The following MTHFSD variants were observed in gnomAD, a reference collection of about 807,000 sequenced individuals.
The protein encoded by MTHFSD is methenyltetrahydrofolate synthase domain-containing protein.
A neutral mutation model predicts 31.1 loss-of-function variants in MTHFSD; 37 were observed. The observed-to-expected ratio is 1.19, with a 90% confidence interval of 0.91 to 1.56. The LOEUF (loss-of-function observed/expected upper bound fraction) is 1.56, where lower values mean the gene tolerates loss of function less well. Ranked by LOEUF, MTHFSD falls within the 40% of genes most tolerant of loss-of-function variation. The pLI is 0.00. For synonymous variants in MTHFSD, 221 were observed against 206.9 expected (o/e 1.07, Z -0.59); for missense variants, 664 against 510.1 (o/e 1.30, Z -2.91).
chr16:86,555,092 G>A (rs1350708040), intron 1 of MTHFSD, 77 bp downstream of exon 1: 2 of 1,515,148 alleles, frequency 1.3e-6, no homozygotes, highest in South Asian at 2.4e-5. Flanking sequence ...AGCCCCGGTG[G>A]CCCCGCCTCG....
chr16:86,546,814 A>G (rs1349678979), intron 4 of MTHFSD, among the ~76,000 whole-genome samples, 165 bp from the exon 5 acceptor site: 1 of 152,278 alleles, frequency 6.6e-6, no homozygotes, highest in African/African-American at 2.4e-5. Context: ...CGCATTCCAG[A>G]AACCGCTTTA....
Position 86,531,037 on chromosome 16 carries a change from C to T in MTHFSD, c.*974G>A, listed in dbSNP as rs1432124380. 6.6e-6 allele frequency: 1 copy of T among 152,168 alleles called. No homozygotes were observed. Among genetic ancestry groups the T allele is most frequent in the African/African-American group, 2.4e-5 (1 of 41,422 alleles). 9.4% of individuals were successfully genotyped at this position (152,168 alleles called of 1,614,324 possible). On this transcript the variant is annotated 3_prime_UTR_variant, in exon 8 of 8. Transcript: ENST00000360900. The surrounding 1 kb of genome is among the most constrained non-coding windows in gnomAD (Gnocchi z 5.5). ...CTTGAAAGCGCGTGCACGGGCCGCC[C>T]TCTCGAGGCATCGTAATGTGCTTCA... is the stretch of plus-strand genomic sequence containing the variant.
In MTHFSD at chr16:86,530,719, G is replaced by C. The variant is rs920387328; in HGVS notation, c.*1292C>G. ...TGTAACCAGGTGACTACTCTGAACT[G>C]GGGACTGAGTCAGCCTCTGACGCTG... On this transcript the variant is annotated 3_prime_UTR_variant, in exon 8 of 8. Coordinates refer to ENST00000360900, the MANE Select transcript of MTHFSD (RefSeq NM_001159377.2). The C allele has an allele frequency of 5.1e-4, 77 of 152,364 alleles. No homozygotes were observed. The highest frequency in any genetic ancestry group is 1.8e-3 in the African/African-American group (75 of 41,576). The allele number at this position is 152,364 out of a possible 1,614,324, so 9.4% of individuals were successfully genotyped here. A position where few individuals can be genotyped will look rare whatever the true frequency, so the allele number is the denominator to read the frequency against.
intron 3 of MTHFSD, 33 bp from the exon 4 acceptor site, chr16:86,548,610 A>T: frequency 6.5e-7 from 1 of 1,531,112 alleles, no homozygotes; most frequent in South Asian, 1.2e-5. Flanking sequence ...TAAATTACAA[A>T]ATCAAATTAT....
chr16:86,542,193 C>G lies in MTHFSD; in HGVS notation c.463G>C (p.Glu155Gln), dbSNP rs371313547. ...GCATATTCCAGATCGGCGTAGCCTTCTCCCTTCCCGATTCTCCAGCCTAAG... is the reference window on the plus strand; with the variant it reads ...GCATATTCCAGATCGGCGTAGCCTTGTCCCTTCCCGATTCTCCAGCCTAAG... ...SEKGWRIGKG[E>Q]GYADLEYAMM... Residue 155 changes from glutamate to glutamine, a missense_variant, in exon 6 of 8, where the codon GAA becomes CAA. Physicochemically the swap from Glu to Gln is conservative, Grantham distance 29. Transcript: ENST00000360900. This position sits in a 1 kb window ranked among gnomAD's most constrained non-coding sequence, Gnocchi z 4.6. 2 of 1,613,576 alleles carry G rather than the reference C, an allele frequency of 1.2e-6. No homozygotes were observed. The highest frequency in any genetic ancestry group is 1.3e-5 in the African/African-American group (1 of 74,942).
In MTHFSD at chr16:86,531,756, TC is replaced by T. The variant is rs1970010881; in HGVS notation, c.*254del. On this transcript the variant is annotated 3_prime_UTR_variant, in exon 8 of 8. Coordinates refer to ENST00000360900, the MANE Select transcript of MTHFSD (RefSeq NM_001159377.2). The surrounding 1 kb of genome is among the most constrained non-coding windows in gnomAD (Gnocchi z 5.5). ...TCCCTCCAGAGAAACAGAAACCGACTCAAGGCCCGAGCCTGCACGATTGGGA... is the reference window on the plus strand; with the variant it reads ...TCCCTCCAGAGAAACAGAAACCGACTAAGGCCCGAGCCTGCACGATTGGGA... 3 of 344,402 alleles carry T rather than the reference TC, an allele frequency of 8.7e-6. No individual in the cohort carries two copies. Among genetic ancestry groups the T allele is most frequent in the Non-Finnish European group, 1.6e-5 (3 of 191,714 alleles). The allele number at this position is 344,402 out of a possible 1,614,324, so 21.3% of individuals were successfully genotyped here. A position where few individuals can be genotyped will look rare whatever the true frequency, so the allele number is the denominator to read the frequency against.
At chr16:86,538,327 G>A (rs1309696470) in intron 7 of MTHFSD, among the ~76,000 whole-genome samples, 5 of 152,176 alleles carry the variant, frequency 3.3e-5, no homozygotes, top group Non-Finnish European at 7.3e-5. Context: ...CCAGGGTGGC[G>A]GCGGCAGTGG....
At chr16:86,540,348 G>T (rs1403930529) in intron 7 of MTHFSD, among the ~76,000 whole-genome samples, 1 of 152,204 alleles carries the variant, frequency 6.6e-6, no homozygotes, top group East Asian at 1.9e-4. Flanking sequence ...TGACCCTCAG[G>T]AACCCTGGCT....
intron 2 of MTHFSD, 49 bp from the exon 3 acceptor site, chr16:86,552,195 C>T (rs774972202): frequency 6.8e-6 from 11 of 1,613,814 alleles, no homozygotes; most frequent in South Asian, 1.1e-5. Flanking sequence ...GACGAAGAAG[C>T]GAGCACTTTT....
rs1410316860 is a variant in MTHFSD, at chr16:86,531,267, A to G, written c.*744T>C. ...ACTGGAGGAAAAAAACCCAGAAAAC[A>G]TAAGGCACTGGGCAAATGTGACGTA... On this transcript the variant is annotated 3_prime_UTR_variant, in exon 8 of 8. Coordinates refer to ENST00000360900, the MANE Select transcript of MTHFSD (RefSeq NM_001159377.2). This position sits in a 1 kb window ranked among gnomAD's most constrained non-coding sequence, Gnocchi z 5.5. 6.6e-6 allele frequency: 1 copy of G among 152,232 alleles called. No individual in the cohort carries two copies. The highest frequency in any genetic ancestry group is 2.4e-5 in the African/African-American group (1 of 41,462). The allele number at this position is 152,232 out of a possible 1,614,324, so 9.4% of individuals were successfully genotyped here. A position where few individuals can be genotyped will look rare whatever the true frequency, so the allele number is the denominator to read the frequency against.
rs752247078 is a variant in MTHFSD at position 86,541,832 on chromosome 16, G to C, written c.556-10C>G. The C allele has an allele frequency of 1.2e-6, 2 of 1,613,578 alleles. No homozygotes were observed. Among genetic ancestry groups the C allele is most frequent in the Admixed American group, 1.7e-5 (1 of 59,998 alleles). ...CAGGGATGTCCACGACCTGGGGGAA[G>C]AGAGGAGGGATAAAGGGGCTGCTGG... On this transcript the variant is annotated splice_polypyrimidine_tract_variant and intron_variant, in intron 6 of 7. Transcript: ENST00000360900.
chr16:86,546,696 C>T (rs1972364132), intron 4 of MTHFSD, 47 bp from the exon 5 acceptor site: 1 of 1,494,904 alleles, frequency 6.7e-7, no homozygotes, highest in African/African-American at 1.4e-5. Flanking sequence ...CAGCTGCTTC[C>T]TCATTTTATA....
chr16:86,532,566 G>T, intron 7 of MTHFSD, 85 bp from the exon 8 acceptor site: 4 of 1,130,808 alleles, frequency 3.5e-6, no homozygotes, highest in Non-Finnish European at 4.7e-6. Flanking sequence ...CTGACTACTG[G>T]CTGTGCTGCA....
In MTHFSD at chr16:86,542,945, G is replaced by A. The variant is rs1229183996; in HGVS notation, c.443-732C>T. 6.6e-6 allele frequency among the ~76,000 whole-genome samples: 1 copy of A among 152,140 alleles called. No individual in the cohort carries two copies. Among genetic ancestry groups the A allele is most frequent in the Non-Finnish European group, 1.5e-5 (1 of 68,026 alleles). On this transcript the variant is annotated intron_variant, in intron 5 of 7. Transcript: ENST00000360900. The surrounding 1 kb of genome is among the most constrained non-coding windows in gnomAD (Gnocchi z 4.6). ...AGAAGCCTGAGGCACTTCAGAAACT[G>A]AGGCCAGCGAGTGCCACCAGCAGCA...
intron 7 of MTHFSD, chr16:86,541,235 A>G: frequency 7.8e-7 from 1 of 1,289,452 alleles, no homozygotes; most frequent in Non-Finnish European, 1.0e-6. Context: ...AAATGTACAA[A>G]GGCTTGGTAC....
At position 86,542,431 on chromosome 16, in the gene MTHFSD, G is replaced by T. The variant is rs1442701339; in HGVS notation, c.443-218C>A. ...GGAATAACAACACGGCCAATGTCAG[G>T]TGGTGAAACTACAATGACGTGAACA... is the stretch of plus-strand genomic sequence containing the variant. On this transcript the variant is annotated intron_variant, in intron 5 of 7. Coordinates refer to ENST00000360900, the MANE Select transcript of MTHFSD (RefSeq NM_001159377.2). The surrounding 1 kb of genome is among the most constrained non-coding windows in gnomAD (Gnocchi z 4.6). 3 of 561,642 alleles carry T rather than the reference G, an allele frequency of 5.3e-6. No individual in the cohort carries two copies. Among genetic ancestry groups the T allele is most frequent in the Non-Finnish European group, 9.5e-6 (3 of 314,728 alleles). 34.8% of individuals were successfully genotyped at this position (561,642 alleles called of 1,614,324 possible).
chr16:86,538,044 G>T (rs1050982883), intron 7 of MTHFSD, among the ~76,000 whole-genome samples: 1 of 152,190 alleles, frequency 6.6e-6, no homozygotes, highest in Non-Finnish European at 1.5e-5. Context: ...AGGCCAAAAG[G>T]CCCTCTGGTT....
At chr16:86,538,773 C>T (rs925159908) in intron 7 of MTHFSD, among the ~76,000 whole-genome samples, 2 of 152,182 alleles carry the variant, frequency 1.3e-5, no homozygotes, top group Non-Finnish European at 2.9e-5. Context: ...CCATCTCCAG[C>T]CTGGCAGAGA....
intron 5 of MTHFSD, among the ~76,000 whole-genome samples, chr16:86,543,134 G>A (rs1344490219): frequency 6.6e-6 from 1 of 152,220 alleles, no homozygotes; most frequent in East Asian, 1.9e-4. Context: ...AAAATGACAG[G>A]CAGATAAGCC....
Sources: gnomAD v4.1 joint callset for allele counts (sites outside exome capture counted in the v4.1 genomes callset) on GRCh38, gnomAD v4.1.1 for gene constraint, Gnocchi (gnomAD v3.1) non-coding constraint, MANE v1.5 for transcripts, NCBI Gene and HGNC (gene_info 2026-07-23, HGNC 2026-07-21) for gene names.